FUT8: variants seen among roughly 807,000 people sequenced by gnomAD.
The protein encoded by FUT8 is fucosyltransferase 8.
Under a neutral mutation model 71.3 loss-of-function variants are expected in FUT8, and 29 were observed. The ratio of observed to expected loss-of-function variants is 0.41; its 90% CI spans 0.30 to 0.55. The LOEUF (loss-of-function observed/expected upper bound fraction) is 0.55, where lower values mean the gene tolerates loss of function less well. FUT8 is among the 20% of genes least tolerant of loss of function. The pLI is 0.34. For missense variants in FUT8, 544 were observed against 702.1 expected (o/e 0.77, Z 2.55); for synonymous variants, 254 against 239.3 (o/e 1.06, Z -0.57).
chr14:65,740,442 A>G (rs1474374681), intron 10 of FUT8, among the ~76,000 whole-genome samples: 1 of 152,034 alleles, frequency 6.6e-6, no homozygotes, highest in Non-Finnish European at 1.5e-5. Context: ...GTCAGATTTT[A>G]TTTGATAAGA....
At position 65,671,674 on chromosome 14, in the gene FUT8, T is replaced by G. The variant is rs553085703; in HGVS notation, c.835+2194T>G. Among the ~76,000 whole-genome samples, 4 of 152,304 alleles carry G rather than the reference T, an allele frequency of 2.6e-5. No homozygotes were observed. In the South Asian group the frequency reaches 8.3e-4, roughly 32 times the overall value. ...TGGAATATCTAGGAATTAAATAATT[T>G]TAATAATTTAGATACCAATCTTTTA... On this transcript the variant is annotated intron_variant, in intron 7 of 10. Coordinates refer to ENST00000673929, the MANE Select transcript of FUT8 (RefSeq NM_001371533.1).
At chr14:65,380,581 C>T in the FUT8 span, among the ~76,000 whole-genome samples, 1 of 152,182 alleles carries the variant, frequency 6.6e-6, no homozygotes, top group African/African-American at 2.4e-5. Flanking sequence ...AGTAGGGATG[C>T]TACCCTGATT....
chr14:65,475,158 T>A (rs886226237), intron 2 of FUT8, among the ~76,000 whole-genome samples: 14 of 152,198 alleles, frequency 9.2e-5, no homozygotes, highest in Non-Finnish European at 2.9e-5. Flanking sequence ...ACAACTACTA[T>A]GAATTTGGAA....
intron 1 of FUT8, among the ~76,000 whole-genome samples, chr14:65,433,906 C>G (rs1691730574): frequency 6.6e-6 from 1 of 152,090 alleles, no homozygotes; most frequent in Non-Finnish European, 1.5e-5. Flanking sequence ...TCAAGCCGTC[C>G]TCCTGCTTCA....
intron 1 of FUT8, among the ~76,000 whole-genome samples, chr14:65,415,521 T>C (rs2065206664): frequency 6.6e-6 from 1 of 152,204 alleles, no homozygotes; most frequent in African/African-American, 2.4e-5. Flanking sequence ...ATCTAAGGCA[T>C]GTATTCTTGA....
Position 65,448,506 on chromosome 14 carries a change from CT to C in FUT8, c.-325-7114del, listed in dbSNP as rs573720092. On this transcript the variant is annotated intron_variant, in intron 1 of 10. Coordinates refer to ENST00000673929, the MANE Select transcript of FUT8 (RefSeq NM_001371533.1). ...AAGCACAGTACTCATAAATATTGTA[CT>C]GTTTGATCCTTGCAGTATCCTTGTG... Among the ~76,000 whole-genome samples, 30 of 152,218 alleles carry C rather than the reference CT, an allele frequency of 2.0e-4. No individual in the cohort carries two copies. The South Asian group carries it at 5.8e-3, about 29-fold the overall frequency.
At chr14:65,438,507 A>G (rs1046958325) in intron 1 of FUT8, among the ~76,000 whole-genome samples, 1 of 152,204 alleles carries the variant, frequency 6.6e-6, no homozygotes, top group Admixed American at 6.5e-5. Flanking sequence ...CTGCCAACTT[A>G]GATCATGAGG....
At chr14:65,631,167 A>G (rs540309638) in intron 6 of FUT8, among the ~76,000 whole-genome samples, 1 of 152,248 alleles carries the variant, frequency 6.6e-6, no homozygotes, top group East Asian at 1.9e-4. Context: ...ATCAACTAGA[A>G]CCTCACTCAG....
intron 2 of FUT8, among the ~76,000 whole-genome samples, chr14:65,546,668 A>C (rs1413722726): frequency 2.0e-5 from 3 of 151,790 alleles, no homozygotes; most frequent in African/African-American, 7.2e-5. Flanking sequence ...CATACATCTT[A>C]AGTTCCTTTG....
intron 3 of FUT8, among the ~76,000 whole-genome samples, chr14:65,583,466 T>G (rs139125321): frequency 6.6e-6 from 1 of 152,292 alleles, no homozygotes; most frequent in Admixed American, 6.5e-5. Context: ...GTGAAAGGTA[T>G]TAGAGATAAT....
intron 2 of FUT8, among the ~76,000 whole-genome samples, chr14:65,480,930 T>C (rs1284632719): frequency 1.3e-5 from 2 of 152,150 alleles, no homozygotes; most frequent in Non-Finnish European, 2.9e-5. Context: ...CCTCAAGTGA[T>C]CTGCCTGCCT....
chr14:65,363,346 T>TA, the FUT8 span, among the ~76,000 whole-genome samples: 1 of 151,622 alleles, frequency 6.6e-6, no homozygotes, highest in Non-Finnish European at 1.5e-5. Flanking sequence ...GGTCTCGAAC[T>TA]CTGACCTCAG....
At chr14:65,363,400 C>T in the FUT8 span, among the ~76,000 whole-genome samples, 3 of 151,956 alleles carry the variant, frequency 2.0e-5, no homozygotes, top group South Asian at 2.1e-4. Context: ...GGATTACAGG[C>T]GTGAGCCACT....
rs368231152 is a variant in FUT8, at chr14:65,705,929, A to G, written c.836-15846A>G. On this transcript the variant is annotated intron_variant, in intron 7 of 10. Coordinates refer to ENST00000673929, the MANE Select transcript of FUT8 (RefSeq NM_001371533.1). ...TCACTGAAATGGGGTCCTTTCATAT[A>G]TTTTTCAGATAATATGATATTTTGG... Among the ~76,000 whole-genome samples the G allele has an allele frequency of 6.7e-4, 102 of 152,266 alleles. 5 individuals carry two copies. In the South Asian group the frequency reaches 0.021, roughly 31 times the overall value.
chr14:65,580,362 A>G (rs1317076042), intron 3 of FUT8, among the ~76,000 whole-genome samples: 1 of 151,570 alleles, frequency 6.6e-6, no homozygotes, highest in Non-Finnish European at 1.5e-5. Flanking sequence ...GTAAAAATAT[A>G]ATCTTGTGGG....
chr14:65,521,409 A>G (rs1048116141), intron 2 of FUT8, among the ~76,000 whole-genome samples: 1 of 152,206 alleles, frequency 6.6e-6, no homozygotes, highest in Non-Finnish European at 1.5e-5. Flanking sequence ...TTCTTTAAGT[A>G]TATCAGATGT....
chr14:65,487,124 A>G (rs1009763282), intron 2 of FUT8, among the ~76,000 whole-genome samples: 3 of 152,184 alleles, frequency 2.0e-5, no homozygotes, highest in Admixed American at 6.5e-5. Context: ...TCTAACTTGG[A>G]GAAGGATGGT....
At chr14:65,441,810 T>G (rs563019225) in intron 1 of FUT8, among the ~76,000 whole-genome samples, 1 of 150,902 alleles carries the variant, frequency 6.6e-6, no homozygotes, top group Admixed American at 6.6e-5. Context: ...TTTTTTTTTT[T>G]AATTATACTT....
chr14:65,439,976 ATATATATATATATATG>A (rs2065625484), intron 1 of FUT8, among the ~76,000 whole-genome samples: 2 of 137,346 alleles, frequency 1.5e-5, no homozygotes, highest in South Asian at 2.3e-4. Flanking sequence ...ATATATATAT[ATATATATATATATATG>A]TACACACACA....
Sources: allele counts gnomAD v4.1 joint callset (sites outside exome capture counted in the v4.1 genomes callset), GRCh38; gene constraint gnomAD v4.1.1; transcripts MANE v1.5; gene names NCBI Gene and HGNC (gene_info 2026-07-23, HGNC 2026-07-21).